Variants in AOAH observed in about 807,000 individuals in gnomAD.
The protein encoded by AOAH is acyloxyacyl hydrolase.
AOAH carries 64 observed loss-of-function variants against 92.2 expected under a neutral mutation model. That is an observed-to-expected ratio of 0.69 (90% CI 0.57 to 0.86). AOAH has a LOEUF of 0.86. AOAH is among the 40% of genes least tolerant of loss of function. AOAH has a pLI of 0.00. For synonymous variants in AOAH, 263 were observed against 254.5 expected, an observed-to-expected ratio of 1.03 and a Z score of -0.32; for missense variants, 656 against 694.6, an observed-to-expected ratio of 0.94 and a Z score of 0.62.
At chr7:36,526,113 C>T (rs1190058549) in intron 19 of AOAH, among the ~76,000 whole-genome samples, 1 of 152,196 alleles carries the variant, frequency 6.6e-6, no homozygotes, top group Non-Finnish European at 1.5e-5. Context: ...CTCTCAACCC[C>T]CATCCCTTCT....
intron 2 of AOAH, among the ~76,000 whole-genome samples, chr7:36,684,363 C>T (rs536520697): frequency 1.1e-4 from 17 of 152,278 alleles, no homozygotes; most frequent in African/African-American, 4.1e-4. Context: ...GAAAAACTAA[C>T]TGCTTGCTGT....
intron 10 of AOAH, 117 bp downstream of exon 10, chr7:36,618,180 T>G (rs1792031217): frequency 1.2e-6 from 1 of 812,540 alleles, no homozygotes; most frequent in Non-Finnish European, 2.1e-6. Context: ...TTGGTCAGCA[T>G]AGAGTAAATC....
At chr7:36,592,662 T>C (rs1488895425) in intron 12 of AOAH, among the ~76,000 whole-genome samples, 7 of 152,230 alleles carry the variant, frequency 4.6e-5, no homozygotes, top group Non-Finnish European at 8.8e-5. Context: ...TGGTCAAGAT[T>C]CTTATTCTGT....
At position 36,562,635 on chromosome 7, in the gene AOAH, C is replaced by G. The variant is rs557015741; in HGVS notation, c.1022-13160G>C. Among the ~76,000 whole-genome samples, 21 of 152,178 alleles carry G rather than the reference C, an allele frequency of 1.4e-4. No homozygotes were observed. The East Asian group carries it at 3.9e-3, about 28-fold the overall frequency. ...AAGAAGAGAAAGGTTTCACATAATCCCAGCATTGGTTATCCCTCCATAAAT... is the reference window on the plus strand; with the variant it reads ...AAGAAGAGAAAGGTTTCACATAATCGCAGCATTGGTTATCCCTCCATAAAT... On this transcript the variant is annotated intron_variant, in intron 13 of 20. Coordinates refer to ENST00000617537, the MANE Select transcript of AOAH (RefSeq NM_001637.4).
chr7:36,530,601 T>G, intron 18 of AOAH, 87 bp from the exon 19 acceptor site: 1 of 819,560 alleles, frequency 1.2e-6, no homozygotes, highest in Non-Finnish European at 2.0e-6. Flanking sequence ...GAAATCGATC[T>G]TCCCCATCCT....
chr7:36,540,580 A>T (rs1785359412), intron 15 of AOAH, 89 bp from the exon 16 acceptor site: 3 of 1,121,292 alleles, frequency 2.7e-6, no homozygotes, highest in Non-Finnish European at 3.9e-6. Flanking sequence ...CATCACACAC[A>T]CATACGCACA....
At chr7:36,677,064 GA>G (rs369245948) in intron 2 of AOAH, among the ~76,000 whole-genome samples, 60 of 144,902 alleles carry the variant, frequency 4.1e-4, no homozygotes, top group African/African-American at 1.1e-3. Context: ...AGCAAAAGAA[GA>G]AAAAAAAAAC....
Position 36,686,194 on chromosome 7 carries a change from T to C in AOAH, c.223+505A>G, listed in dbSNP as rs117066986. On this transcript the variant is annotated intron_variant, in intron 2 of 20. Transcript: ENST00000617537. ...TACCTTTGGTGGATGTATAAGGTAT[T>C]TTATTGAGATCTAGTTTAAATTAAT... is the stretch of plus-strand genomic sequence containing the variant. Among the ~76,000 whole-genome samples, 8 of 152,292 alleles carry C rather than the reference T, an allele frequency of 5.3e-5. No individual in the cohort carries two copies. The East Asian group carries it at 1.5e-3, about 29-fold the overall frequency.
At chr7:36,678,594 T>TCAC (rs1796425249) in intron 2 of AOAH, among the ~76,000 whole-genome samples, 1 of 138,982 alleles carries the variant, frequency 7.2e-6, no homozygotes, top group Non-Finnish European at 1.5e-5. Flanking sequence ...TGTGTGTGTG[T>TCAC]GTGTGTGCGC....
intron 12 of AOAH, among the ~76,000 whole-genome samples, chr7:36,584,569 C>A (rs549174830): frequency 6.6e-6 from 1 of 152,066 alleles, no homozygotes; most frequent in Non-Finnish European, 1.5e-5. Flanking sequence ...AATTCATTTT[C>A]TCCTATTTGT....
At chr7:36,703,443 G>A (rs1160496682) in intron 1 of AOAH, among the ~76,000 whole-genome samples, 1 of 152,046 alleles carries the variant, frequency 6.6e-6, no homozygotes, top group Admixed American at 6.6e-5. Flanking sequence ...TGTGCAGAAC[G>A]CTCAGGTTTG....
intron 13 of AOAH, among the ~76,000 whole-genome samples, chr7:36,567,219 T>C (rs560179661): frequency 2.2e-4 from 33 of 152,324 alleles, no homozygotes; most frequent in Non-Finnish European, 3.2e-4. Context: ...GAGGCAAGAA[T>C]TGAGGTTGCT....
chr7:36,576,424 T>C (rs1788503330), intron 13 of AOAH, 150 bp downstream of exon 13: 1 of 523,446 alleles, frequency 1.9e-6, no homozygotes, highest in African/African-American at 2.0e-5. Context: ...CACAGGGCCC[T>C]TCTTTCAGAA....
intron 12 of AOAH, among the ~76,000 whole-genome samples, chr7:36,589,989 G>A (rs1789630394): frequency 6.6e-6 from 1 of 151,878 alleles, no homozygotes; most frequent in Admixed American, 6.6e-5. Context: ...TGTTGCCCAG[G>A]CTGGAGTACA....
At chr7:36,569,860 A>G (rs1038268748) in intron 13 of AOAH, among the ~76,000 whole-genome samples, 2 of 151,696 alleles carry the variant, frequency 1.3e-5, no homozygotes, top group African/African-American at 4.8e-5. Flanking sequence ...TAATCCACCC[A>G]CCTTGGCCTC....
intron 3 of AOAH, among the ~76,000 whole-genome samples, chr7:36,663,965 T>C (rs1471210734): frequency 6.6e-6 from 1 of 152,194 alleles, no homozygotes; most frequent in African/African-American, 2.4e-5. Context: ...ACATATAATG[T>C]TGAGCTTCTT....
At chr7:36,621,419 G>C (rs1792270191) in intron 8 of AOAH, among the ~76,000 whole-genome samples, 1 of 152,218 alleles carries the variant, frequency 6.6e-6, no homozygotes, top group South Asian at 2.1e-4. Flanking sequence ...CTGTTCACTT[G>C]ATTGTTTTTC....
At chr7:36,571,279 G>A (rs6462687) in intron 13 of AOAH, among the ~76,000 whole-genome samples, 148,408 of 152,246 alleles carry the variant, frequency 0.97, 72,448 homozygotes, top group East Asian at 1. Context: ...TGCCAGAGCC[G>A]TTTGCTGATG....
intron 11 of AOAH, among the ~76,000 whole-genome samples, chr7:36,610,916 C>T (rs963932215): frequency 3.9e-5 from 6 of 152,166 alleles, no homozygotes; most frequent in African/African-American, 7.2e-5. Context: ...TGAAGCTTGG[C>T]GCCAAGACCA....
Sources: allele counts gnomAD v4.1 joint callset (sites outside exome capture counted in the v4.1 genomes callset), GRCh38; gene constraint gnomAD v4.1.1; transcripts MANE v1.5; gene names NCBI Gene and HGNC (gene_info 2026-07-23, HGNC 2026-07-21).